Variants in NEMP2 observed in about 807,000 individuals in gnomAD.
The protein encoded by NEMP2 is nuclear envelope integral membrane protein 2.
In NEMP2, 53 loss-of-function variants were observed where a neutral mutation model predicts 54.2. That is an observed-to-expected ratio of 0.98 (90% CI 0.78 to 1.23). NEMP2 has a LOEUF of 1.23. Ranked by LOEUF, NEMP2 falls within the 50% of genes most tolerant of loss-of-function variation. The pLI is 0.00. For missense variants in NEMP2, 455 were observed against 511.3 expected (o/e 0.89, Z 1.06); for synonymous variants, 197 against 190.3 (o/e 1.04, Z -0.29).
the NEMP2 span, among the ~76,000 whole-genome samples, chr2:190,471,450 A>C: frequency 6.6e-6 from 1 of 152,134 alleles, no homozygotes; most frequent in Non-Finnish European, 1.5e-5. This position sits in a 1 kb window ranked among gnomAD's most constrained non-coding sequence, Gnocchi z 4.7. Context: ...TATATCCCGC[A>C]CCTGGCTTGG....
At chr2:190,573,526 C>G in the NEMP2 span, among the ~76,000 whole-genome samples, 1 of 152,180 alleles carries the variant, frequency 6.6e-6, no homozygotes, top group African/African-American at 2.4e-5. Flanking sequence ...TTTTAATAGA[C>G]TGGAAATGTT....
chr2:190,620,841 G>A, the NEMP2 span, among the ~76,000 whole-genome samples: 2 of 152,058 alleles, frequency 1.3e-5, no homozygotes, highest in African/African-American at 4.8e-5. The surrounding 1 kb of genome is among the most constrained non-coding windows in gnomAD (Gnocchi z 4.9). Context: ...ATTTACAGAT[G>A]GCATAATATT....
chr2:190,638,277 C>A, the NEMP2 span, among the ~76,000 whole-genome samples: 2 of 152,148 alleles, frequency 1.3e-5, no homozygotes, highest in African/African-American at 4.8e-5. The surrounding 1 kb of genome is among the most constrained non-coding windows in gnomAD (Gnocchi z 5.7). Flanking sequence ...CCATCTTCTT[C>A]TCTGAGTATC....
chr2:190,592,899 T>G, the NEMP2 span, among the ~76,000 whole-genome samples: 1 of 152,220 alleles, frequency 6.6e-6, no homozygotes, highest in African/African-American at 2.4e-5. This position sits in a 1 kb window ranked among gnomAD's most constrained non-coding sequence, Gnocchi z 4.4. Flanking sequence ...GTAAAATTTC[T>G]TAAAAATAAC....
chr2:190,572,811 G>A, the NEMP2 span, among the ~76,000 whole-genome samples: 187 of 106,218 alleles, frequency 1.8e-3, 2 homozygotes, highest in African/African-American at 5.7e-3. Context: ...TACAAACAAC[G>A]TCACAATAGA....
the NEMP2 span, among the ~76,000 whole-genome samples, chr2:190,642,813 T>C: frequency 8.5e-5 from 13 of 152,248 alleles, 1 homozygote; most frequent in South Asian, 1.2e-3. This position sits in a 1 kb window ranked among gnomAD's most constrained non-coding sequence, Gnocchi z 4.1. Context: ...GCCATAATGT[T>C]ATTCTTCCTC....
At chr2:190,595,867 A>T in the NEMP2 span, among the ~76,000 whole-genome samples, 4 of 152,222 alleles carry the variant, frequency 2.6e-5, no homozygotes, top group African/African-American at 9.6e-5. The surrounding 1 kb of genome is among the most constrained non-coding windows in gnomAD (Gnocchi z 4.0). Flanking sequence ...TATAACCAGA[A>T]ATATCATTTG....
the NEMP2 span, chr2:190,610,659 A>G: frequency 1.3e-5 from 2 of 152,352 alleles, no homozygotes; most frequent in Non-Finnish European, 2.9e-5. The surrounding 1 kb of genome is among the most constrained non-coding windows in gnomAD (Gnocchi z 5.4). Flanking sequence ...TATGCAAATA[A>G]CTATATTGCC....
chr2:190,629,047 T>C, the NEMP2 span, among the ~76,000 whole-genome samples: 1 of 152,208 alleles, frequency 6.6e-6, no homozygotes, highest in East Asian at 1.9e-4. Flanking sequence ...GTGAAAGCTA[T>C]GTTTTTGGTC....
chr2:190,433,789 A>T, the NEMP2 span, among the ~76,000 whole-genome samples: 1 of 152,234 alleles, frequency 6.6e-6, no homozygotes, highest in Admixed American at 6.5e-5. The surrounding 1 kb of genome is among the most constrained non-coding windows in gnomAD (Gnocchi z 4.5). Context: ...AAATGCTTAC[A>T]AGTATAATTT....
the NEMP2 span, among the ~76,000 whole-genome samples, chr2:190,442,062 G>C: frequency 2.5e-3 from 380 of 152,210 alleles, 2 homozygotes; most frequent in African/African-American, 8.8e-3. Context: ...GCAAAAAGAT[G>C]GTAGACCTTA....
In NEMP2 at chr2:190,505,048, A is replaced by G. The variant is rs1209077563; in HGVS notation, c.*4141T>C. The stretch of plus-strand genomic sequence containing the variant: ...TGAACTAGAGGGAAACTGGTCCATC[A>G]CCCCAGACAGTCTGAGAAGCACTGA... On this transcript the variant is annotated 3_prime_UTR_variant, in exon 9 of 9. Coordinates refer to ENST00000409150, the MANE Select transcript of NEMP2 (RefSeq NM_001142645.2). This position sits in a 1 kb window ranked among gnomAD's most constrained non-coding sequence, Gnocchi z 5.8. 6.6e-6 allele frequency: 1 copy of G among 152,072 alleles called. No homozygotes were observed. The highest frequency in any genetic ancestry group is 2.4e-5 in the African/African-American group (1 of 41,410). The allele number at this position is 152,072 out of a possible 1,614,324, so 9.4% of individuals were successfully genotyped here.
chr2:190,579,718 A>G, the NEMP2 span, among the ~76,000 whole-genome samples: 17 of 152,356 alleles, frequency 1.1e-4, no homozygotes, highest in Admixed American at 3.3e-4. Flanking sequence ...AACAAACTAA[A>G]TATAGAGAAA....
At chr2:190,454,329 T>C in the NEMP2 span, 1 of 152,082 alleles carries the variant, frequency 6.6e-6, no homozygotes, top group African/African-American at 2.4e-5. The surrounding 1 kb of genome is among the most constrained non-coding windows in gnomAD (Gnocchi z 4.6). Flanking sequence ...ATAAGAAGCA[T>C]TTTTCTATGG....
At chr2:190,642,459 G>A in the NEMP2 span, among the ~76,000 whole-genome samples, 3 of 152,028 alleles carry the variant, frequency 2.0e-5, no homozygotes, top group Non-Finnish European at 4.4e-5. This position sits in a 1 kb window ranked among gnomAD's most constrained non-coding sequence, Gnocchi z 4.1. Context: ...TTTTTCAGAA[G>A]AGCAGCTACT....
rs763078459 is a variant in NEMP2 at position 190,525,335 on chromosome 2, C to T, written c.141G>A (p.Thr47=). The change falls in exon 2 of 9, where the codon ACG becomes ACA. Residue 47 remains threonine, a synonymous_variant. Transcript: ENST00000409150. The surrounding 1 kb of genome is among the most constrained non-coding windows in gnomAD (Gnocchi z 5.0). The part of the protein sequence containing the change: ...KALKEKDLIR[T]SESDCYCYNQ... ...TGTAGCAGTAACAGTCTGACTCAGACGTTCTAATTAAATCTTTTTCCTTCA... is the reference window on the plus strand; with the variant it reads ...TGTAGCAGTAACAGTCTGACTCAGATGTTCTAATTAAATCTTTTTCCTTCA... The T allele has an allele frequency of 9.7e-6, 15 of 1,550,134 alleles. No homozygotes were observed. Among genetic ancestry groups the T allele is most frequent in the South Asian group, 1.2e-5 (1 of 83,832 alleles).
chr2:190,509,098 G>A lies in NEMP2; in HGVS notation c.*91C>T, dbSNP rs1294249061. The A allele has an allele frequency of 9.4e-6, 14 of 1,483,054 alleles. No homozygotes were observed. The highest frequency in any genetic ancestry group is 1.3e-5 in the Non-Finnish European group (14 of 1,111,386). 91.9% of individuals were successfully genotyped at this position (1,483,054 alleles called of 1,614,324 possible). On this transcript the variant is annotated 3_prime_UTR_variant, in exon 9 of 9. Transcript: ENST00000409150. The surrounding 1 kb of genome is among the most constrained non-coding windows in gnomAD (Gnocchi z 6.1). ...CTCCACAGCAAATGTTTTTGCCACC[G>A]TTCACTAGAACAGTTCTGCCTAACT...
chr2:190,424,968 C>A, the NEMP2 span, among the ~76,000 whole-genome samples: 1 of 152,134 alleles, frequency 6.6e-6, no homozygotes, highest in Non-Finnish European at 1.5e-5. This position sits in a 1 kb window ranked among gnomAD's most constrained non-coding sequence, Gnocchi z 5.9. Context: ...ACCTGTATAT[C>A]AATTTGAGGA....
At chr2:190,425,452 A>G in the NEMP2 span, among the ~76,000 whole-genome samples, 2 of 152,186 alleles carry the variant, frequency 1.3e-5, no homozygotes, top group Non-Finnish European at 2.9e-5. The surrounding 1 kb of genome is among the most constrained non-coding windows in gnomAD (Gnocchi z 4.3). Flanking sequence ...CATTAAGTGC[A>G]GTGTTACCCA....
Sources: gnomAD v4.1 joint callset for allele counts (sites outside exome capture counted in the v4.1 genomes callset) on GRCh38, gnomAD v4.1.1 for gene constraint, Gnocchi (gnomAD v3.1) non-coding constraint, MANE v1.5 for transcripts, NCBI Gene and HGNC (gene_info 2026-07-23, HGNC 2026-07-21) for gene names.